MORC1: variants seen among roughly 807,000 people sequenced by gnomAD.
MORC1 encodes the protein MORC family CW-type zinc finger protein 1.
Under a neutral mutation model 134.9 loss-of-function variants are expected in MORC1, and 59 were observed. The ratio of observed to expected loss-of-function variants is 0.44; its 90% CI spans 0.35 to 0.54. The LOEUF (loss-of-function observed/expected upper bound fraction) is 0.54, where lower values mean the gene tolerates loss of function less well. Among genes scored for constraint, MORC1 ranks in the 20% least tolerant of loss-of-function variants. The probability of loss-of-function intolerance (pLI) is 0.00; values close to 1 mark genes in which losing one functional copy is unlikely to be tolerated. For synonymous variants in MORC1, 395 were observed against 391.7 expected, an observed-to-expected ratio of 1.01 and a Z score of -0.10; for missense variants, 947 against 1,134.5, an observed-to-expected ratio of 0.83 and a Z score of 2.37.
chr3:108,977,430 C>A (rs989456814), intron 24 of MORC1, among the ~76,000 whole-genome samples: 4 of 152,142 alleles, frequency 2.6e-5, no homozygotes, highest in African/African-American at 7.2e-5. Flanking sequence ...GTTGCCCAGG[C>A]TGATCTCGAA....
At chr3:109,050,201 C>T (rs1017129393) in intron 14 of MORC1, among the ~76,000 whole-genome samples, 1 of 152,206 alleles carries the variant, frequency 6.6e-6, no homozygotes, top group Non-Finnish European at 1.5e-5. Context: ...CTCTGTTGGG[C>T]ACTAATCCTA....
chr3:109,116,666 GCT>G (rs1951281564), intron 1 of MORC1, among the ~76,000 whole-genome samples: 1 of 152,134 alleles, frequency 6.6e-6, no homozygotes, highest in African/African-American at 2.4e-5. Context: ...TGTAGTCCCA[GCT>G]ACTCGGAAGG....
rs66700715 is a variant in MORC1 at position 109,020,764 on chromosome 3, C to CAAAAAAAAAAAA, written c.1704+6975_1704+6986dup. Among the ~76,000 whole-genome samples, 90 of 78,402 alleles carry CAAAAAAAAAAAA rather than the reference C, an allele frequency of 1.1e-3. 2 individuals are homozygous for CAAAAAAAAAAAA. The highest frequency in any genetic ancestry group is 0.011 in the Middle Eastern group (1 of 90). 51.4% of individuals were successfully genotyped at this position (78,402 alleles called of 152,430 possible). Reference sequence around the variant, plus strand: ...TGGGCGACACAGTGAGACTCTGTCTCAAAAAAAAAAAAGATTAGGTATGAA... The same window carrying CAAAAAAAAAAAA: ...TGGGCGACACAGTGAGACTCTGTCTCAAAAAAAAAAAAAAAAAAAAAAAAGATTAGGTATGAA... On this transcript the variant is annotated intron_variant, in intron 17 of 27. Coordinates refer to ENST00000232603, the MANE Select transcript of MORC1 (RefSeq NM_014429.4).
chr3:109,044,310 G>A (rs1949633495), intron 14 of MORC1, among the ~76,000 whole-genome samples: 1 of 152,090 alleles, frequency 6.6e-6, no homozygotes, highest in South Asian at 2.1e-4. Flanking sequence ...TGTAATCCCA[G>A]CACTTTGGGA....
In MORC1 at chr3:109,029,544, A is replaced by C. The variant is rs544049445; in HGVS notation, c.1566-1655T>G. 1.9e-3 allele frequency among the ~76,000 whole-genome samples: 295 copies of C among 152,336 alleles called. 3 individuals are homozygous for C. Among genetic ancestry groups the C allele is most frequent in the African/African-American group, 6.8e-3 (283 of 41,574 alleles). On this transcript the variant is annotated intron_variant, in intron 16 of 27. Transcript: ENST00000232603. ...TTTTTGGTTCAGCCAAGTAATAGGCATCATTTTTTCTCTGCTGGTAATCCC... is the reference window on the plus strand; with the variant it reads ...TTTTTGGTTCAGCCAAGTAATAGGCCTCATTTTTTCTCTGCTGGTAATCCC...
intron 8 of MORC1, among the ~76,000 whole-genome samples, chr3:109,074,077 T>C (rs569909258): frequency 1.1e-3 from 169 of 152,284 alleles, no homozygotes; most frequent in African/African-American, 3.5e-3. Flanking sequence ...TGCTGCCCAA[T>C]GACTGTCAAT....
chr3:109,045,536 A>T (rs192007901), intron 14 of MORC1, among the ~76,000 whole-genome samples: 66 of 152,334 alleles, frequency 4.3e-4, no homozygotes, highest in African/African-American at 1.4e-3. Flanking sequence ...ATCAGGAAGA[A>T]TTGCCATGAT....
intron 23 of MORC1, among the ~76,000 whole-genome samples, chr3:108,981,130 G>T (rs753390578): frequency 1.3e-5 from 2 of 152,132 alleles, no homozygotes; most frequent in Non-Finnish European, 2.9e-5. Flanking sequence ...GGGGCAGTAC[G>T]ACATGGGAAA....
chr3:109,057,366 G>GT lies in MORC1; in HGVS notation c.1151_1152insA (p.Ser385LeufsTer18), dbSNP rs766443221. ...ACAAGGACTTCAGTTTCAACTGTGAGCCCACTTTTTCATGCATTTTGATCA... is the reference window on the plus strand; with the variant it reads ...ACAAGGACTTCAGTTTCAACTGTGAGTCCCACTTTTTCATGCATTTTGATCA... On this transcript the variant is annotated frameshift_variant, in exon 13 of 28. Coordinates refer to ENST00000232603, the MANE Select transcript of MORC1 (RefSeq NM_014429.4). LOFTEE classifies it high-confidence loss of function. The GT allele has an allele frequency of 5.3e-5, 85 of 1,609,948 alleles. No individual in the cohort carries two copies. Among genetic ancestry groups the GT allele is most frequent in the Non-Finnish European group, 5.3e-5 (62 of 1,178,370 alleles).
intron 9 of MORC1, among the ~76,000 whole-genome samples, chr3:109,064,125 C>CTG (rs1244278200): frequency 4.0e-5 from 6 of 151,728 alleles, no homozygotes; most frequent in Non-Finnish European, 5.9e-5. Context: ...TTAAAAAAAC[C>CTG]TGTGTGTGTA....
chr3:109,097,261 C>T (rs1381877598), intron 6 of MORC1, among the ~76,000 whole-genome samples: 1 of 152,150 alleles, frequency 6.6e-6, no homozygotes, highest in South Asian at 2.1e-4. Flanking sequence ...TCAATAACAA[C>T]ACTAGAAACT....
intron 8 of MORC1, among the ~76,000 whole-genome samples, chr3:109,083,209 A>G (rs1175800623): frequency 2.6e-5 from 4 of 152,200 alleles, no homozygotes; most frequent in African/African-American, 9.6e-5. Flanking sequence ...AAAGACAGAT[A>G]CAGCATTTCC....
At chr3:109,007,576 C>T (rs1948571650) in intron 17 of MORC1, among the ~76,000 whole-genome samples, 1 of 152,178 alleles carries the variant, frequency 6.6e-6, no homozygotes, top group African/African-American at 2.4e-5. Context: ...ATTCCTCAGG[C>T]TTATTTTCAT....
intron 23 of MORC1, among the ~76,000 whole-genome samples, chr3:108,984,174 T>C (rs1233496364): frequency 1.3e-5 from 2 of 152,184 alleles, no homozygotes; most frequent in Non-Finnish European, 2.9e-5. Flanking sequence ...AAACTGGGTC[T>C]GAATGCCTGG....
intron 11 of MORC1, among the ~76,000 whole-genome samples, chr3:109,060,148 C>T (rs1293750070): frequency 6.6e-6 from 1 of 151,920 alleles, no homozygotes; most frequent in African/African-American, 2.4e-5. Context: ...GACACAACGG[C>T]TTTGACAAAA....
Position 109,042,513 on chromosome 3 carries a change from T to C in MORC1, c.1331-7045A>G, listed in dbSNP as rs541758246. The stretch of plus-strand genomic sequence containing the variant: ...GAATTAGTGTAGCCATTATGAAAAA[T>C]AATATGGAGTTTCCTTCAAAAATTA... On this transcript the variant is annotated intron_variant, in intron 14 of 27. Transcript: ENST00000232603. Among the ~76,000 whole-genome samples the C allele has an allele frequency of 9.9e-5, 15 of 152,164 alleles. 1 individual carries two copies. In the South Asian group the frequency reaches 2.7e-3, roughly 27 times the overall value.
chr3:109,041,883 G>T (rs561728987), intron 14 of MORC1, among the ~76,000 whole-genome samples: 4 of 151,938 alleles, frequency 2.6e-5, no homozygotes, highest in South Asian at 2.1e-4. Flanking sequence ...GGTAGAGGTT[G>T]CAGTGAGCCG....
intron 18 of MORC1, 75 bp from the exon 19 acceptor site, chr3:109,005,390 C>T: frequency 1.5e-6 from 2 of 1,359,016 alleles, no homozygotes; most frequent in Non-Finnish European, 2.0e-6. Context: ...TCTCTCATAA[C>T]CTCATTATAA....
intron 21 of MORC1, among the ~76,000 whole-genome samples, chr3:108,999,932 T>A (rs182773609): frequency 1.1e-4 from 16 of 152,308 alleles, no homozygotes; most frequent in African/African-American, 3.8e-4. Context: ...GCTTCACAGA[T>A]GAAGCATTTC....
Sources: allele counts gnomAD v4.1 joint callset (sites outside exome capture counted in the v4.1 genomes callset), GRCh38; gene constraint gnomAD v4.1.1; transcripts MANE v1.5; gene names NCBI Gene and HGNC (gene_info 2026-07-23, HGNC 2026-07-21).